The following ANKS1B variants were observed in gnomAD, a reference collection of about 807,000 sequenced individuals.
ANKS1B encodes the protein ankyrin repeat and sterile alpha motif domain-containing protein 1B.
ANKS1B carries 36 observed loss-of-function variants against 148.3 expected under a neutral mutation model. The ratio of observed to expected loss-of-function variants is 0.24; its 90% CI spans 0.19 to 0.32. The LOEUF is 0.32. ANKS1B is among the 10% of genes least tolerant of loss of function. The pLI is 1.00. For synonymous variants in ANKS1B, 542 were observed against 560.8 expected, an observed-to-expected ratio of 0.97 and a Z score of 0.47; for missense variants, 1,157 against 1,542.6, an observed-to-expected ratio of 0.75 and a Z score of 4.19.
intron 11 of ANKS1B, among the ~76,000 whole-genome samples, chr12:99,437,260 A>G (rs1443985264): frequency 1.3e-5 from 2 of 151,914 alleles, no homozygotes; most frequent in African/African-American, 4.8e-5. Context: ...AACTAATCCC[A>G]TTCATGAGAG....
At chr12:99,458,140 A>G (rs891714409) in intron 10 of ANKS1B, among the ~76,000 whole-genome samples, 2 of 152,138 alleles carry the variant, frequency 1.3e-5, no homozygotes, top group African/African-American at 4.8e-5. Context: ...AAACCATGCA[A>G]ATACATAGAA....
At chr12:99,477,019 C>T (rs1482104139) in intron 10 of ANKS1B, among the ~76,000 whole-genome samples, 2 of 152,128 alleles carry the variant, frequency 1.3e-5, no homozygotes, top group African/African-American at 4.8e-5. Flanking sequence ...ATGGGCCTCT[C>T]CACGGAACAC....
intron 9 of ANKS1B, among the ~76,000 whole-genome samples, chr12:99,566,726 A>G (rs577729677): frequency 6.6e-6 from 1 of 152,284 alleles, no homozygotes; most frequent in East Asian, 1.9e-4. Flanking sequence ...CTGTCATGGA[A>G]TGAGCCTCAC....
intron 9 of ANKS1B, among the ~76,000 whole-genome samples, chr12:99,532,338 GT>G (rs201016379): frequency 8.6e-5 from 13 of 151,976 alleles, no homozygotes; most frequent in African/African-American, 2.7e-4. Context: ...TACATTTAAG[GT>G]TTTTTTGTTG....
chr12:99,946,415 C>A (rs543375129), intron 1 of ANKS1B, among the ~76,000 whole-genome samples: 2 of 152,228 alleles, frequency 1.3e-5, no homozygotes, highest in African/African-American at 4.8e-5. Flanking sequence ...GTGCAGATGG[C>A]CACCTTCTCG....
chr12:98,959,385 C>T (rs377126505), intron 17 of ANKS1B, among the ~76,000 whole-genome samples: 2 of 152,126 alleles, frequency 1.3e-5, no homozygotes, highest in Non-Finnish European at 2.9e-5. Flanking sequence ...GGCTTGTTAT[C>T]TGGTAGAGGC....
intron 8 of ANKS1B, among the ~76,000 whole-genome samples, chr12:99,732,677 C>T (rs558050875): frequency 1.2e-4 from 19 of 152,154 alleles, no homozygotes; most frequent in Non-Finnish European, 2.6e-4. Context: ...AGTTACATTA[C>T]TATACATTTT....
chr12:99,059,796 T>TA (rs2041753164), intron 16 of ANKS1B, among the ~76,000 whole-genome samples: 1 of 145,204 alleles, frequency 6.9e-6, no homozygotes, highest in African/African-American at 2.6e-5. Context: ...TTCATATATA[T>TA]ATATATATAT....
chr12:99,021,805 A>G (rs1348383319), intron 17 of ANKS1B, among the ~76,000 whole-genome samples: 1 of 152,218 alleles, frequency 6.6e-6, no homozygotes, highest in Non-Finnish European at 1.5e-5. Context: ...CTGCTTTGGC[A>G]CATTCTAACT....
At chr12:99,777,937 G>A (rs555595594) in intron 6 of ANKS1B, among the ~76,000 whole-genome samples, 4 of 151,362 alleles carry the variant, frequency 2.6e-5, no homozygotes, top group South Asian at 2.1e-4. Flanking sequence ...GGTAGCTCAC[G>A]CCTGTAATCC....
chr12:99,239,430 A>C (rs952293733), intron 14 of ANKS1B, among the ~76,000 whole-genome samples: 3 of 152,252 alleles, frequency 2.0e-5, no homozygotes, highest in African/African-American at 4.8e-5. Flanking sequence ...AAAAGACCAA[A>C]TATACATTTG....
chr12:98,880,844 G>C (rs980467706), intron 17 of ANKS1B, among the ~76,000 whole-genome samples: 4 of 151,950 alleles, frequency 2.6e-5, no homozygotes, highest in Non-Finnish European at 5.9e-5. Flanking sequence ...TTCCTAAAAA[G>C]CTTTGTATAA....
intron 1 of ANKS1B, among the ~76,000 whole-genome samples, chr12:99,969,232 A>T (rs1484047564): frequency 1.3e-5 from 2 of 152,082 alleles, no homozygotes; most frequent in Non-Finnish European, 2.9e-5. Context: ...AGGCTGGAGT[A>T]CAGTGGCATG....
In ANKS1B at chr12:98,869,953, G is replaced by A. The variant is rs111891637; in HGVS notation, c.2779-37817C>T. On this transcript the variant is annotated intron_variant, in intron 17 of 26. Transcript: ENST00000683438. ...ATATGGCAAAATGTCCTGAAAACCA[G>A]AAAGTAGTCTTGTCAATAGCCAAGA... is the stretch of plus-strand genomic sequence containing the variant. Among the ~76,000 whole-genome samples, 37 of 152,288 alleles carry A rather than the reference G, an allele frequency of 2.4e-4. 1 individual carries two copies. The highest frequency in any genetic ancestry group is 8.4e-4 in the African/African-American group (35 of 41,570).
At chr12:99,512,276 A>T (rs1410851710) in intron 9 of ANKS1B, among the ~76,000 whole-genome samples, 1 of 152,128 alleles carries the variant, frequency 6.6e-6, no homozygotes, top group African/African-American at 2.4e-5. Flanking sequence ...AAAAAAAGAC[A>T]TTCATTGTCC....
chr12:98,880,395 G>C (rs1028918209), intron 17 of ANKS1B, among the ~76,000 whole-genome samples: 2 of 152,140 alleles, frequency 1.3e-5, no homozygotes, highest in East Asian at 3.8e-4. Flanking sequence ...CTGGGTTTTG[G>C]TAACAATATG....
intron 12 of ANKS1B, among the ~76,000 whole-genome samples, chr12:99,337,566 C>T (rs2089158062): frequency 6.6e-6 from 1 of 152,024 alleles, no homozygotes; most frequent in Non-Finnish European, 1.5e-5. Flanking sequence ...GATACCCATC[C>T]GTGTCCAGGA....
At chr12:99,074,301 C>G (rs1211492737) in intron 16 of ANKS1B, among the ~76,000 whole-genome samples, 3 of 148,542 alleles carry the variant, frequency 2.0e-5, no homozygotes, top group Non-Finnish European at 4.5e-5. Context: ...CTGTGGTCTA[C>G]ATAATAAACG....
chr12:98,887,584 TA>T (rs1052754948), intron 17 of ANKS1B, among the ~76,000 whole-genome samples: 1 of 152,148 alleles, frequency 6.6e-6, no homozygotes, highest in Non-Finnish European at 1.5e-5. Flanking sequence ...AGTTTTTCTT[TA>T]TTTTTTTTCT....
Sources: allele counts gnomAD v4.1 joint callset (sites outside exome capture counted in the v4.1 genomes callset), GRCh38; gene constraint gnomAD v4.1.1; transcripts MANE v1.5; gene names NCBI Gene and HGNC (gene_info 2026-07-23, HGNC 2026-07-21).